Variants in ACOX3 observed in about 807,000 individuals in gnomAD.
ACOX3 encodes acyl-CoA oxidase 3, pristanoyl, also known as peroxisomal acyl-coenzyme A oxidase 3.
A neutral mutation model predicts 81.5 loss-of-function variants in ACOX3; 73 were observed. That is an observed-to-expected ratio of 0.90 (90% CI 0.74 to 1.09). ACOX3 has a LOEUF of 1.09. Among genes scored for constraint, ACOX3 ranks in the 50% least tolerant of loss-of-function variants. The pLI is 0.00. For synonymous variants in ACOX3, 387 were observed against 375.1 expected (o/e 1.03, Z -0.37); for missense variants, 947 against 928.0 (o/e 1.02, Z -0.27).
At chr4:8,375,905 C>T (rs1281401404) in intron 14 of ACOX3, among the ~76,000 whole-genome samples, 2 of 152,196 alleles carry the variant, frequency 1.3e-5, no homozygotes, top group African/African-American at 4.8e-5. Context: ...TTTCTTTATC[C>T]AGTCCACCGC....
At position 8,405,998 on chromosome 4, in the gene ACOX3, C is replaced by T. The variant is rs1272652274; in HGVS notation, c.733G>A (p.Gly245Ser). ...TLLPMPGVMV[G>S]DIGKKLGQNG... ...TGCCCGAGTTTTTTTCCTATGTCGC[C>T]AACCATCACTCCAGGCATGGGAAGA... Residue 245 changes from glycine to serine, a missense_variant, in exon 7 of 18, where the codon GGC becomes AGC. By Grantham distance (56) the Gly-to-Ser change is moderately conservative (BLOSUM62 0). Transcript: ENST00000356406. This position sits in a 1 kb window ranked among gnomAD's most constrained non-coding sequence, Gnocchi z 7.1. 6.2e-7 allele frequency: 1 copy of T among 1,614,056 alleles called. No homozygotes were observed. The highest frequency in any genetic ancestry group is 8.5e-7 in the Non-Finnish European group (1 of 1,180,050).
rs1229159065 is a variant in ACOX3 at position 8,416,223 on chromosome 4, G to C, written c.144+155C>G. On this transcript the variant is annotated intron_variant, in intron 2 of 17. Transcript: ENST00000356406. The surrounding 1 kb of genome is among the most constrained non-coding windows in gnomAD (Gnocchi z 4.2). ...CCAGACTCCTCATCAATTCCCTGAG[G>C]CCTGTCCTGGGGTGCAGAGAGGAGA... Among the ~76,000 whole-genome samples, 2 of 152,176 alleles carry C rather than the reference G, an allele frequency of 1.3e-5. No individual in the cohort carries two copies. The highest frequency in any genetic ancestry group is 4.8e-5 in the African/African-American group (2 of 41,442).
rs767100475 is a variant in ACOX3 at position 8,399,507 on chromosome 4, G to A, written c.873+49C>T. On this transcript the variant is annotated intron_variant, in intron 8 of 17. Transcript: ENST00000356406. The surrounding 1 kb of genome is among the most constrained non-coding windows in gnomAD (Gnocchi z 4.9). ...GGAGCACAGAGCCAGGCCCTGCAGA[G>A]GAAGGCACCTGGGAAGCACGGCACA... is the stretch of plus-strand genomic sequence containing the variant. 4.0e-6 allele frequency: 6 copies of A among 1,506,740 alleles called. No individual in the cohort carries two copies. The highest frequency in any genetic ancestry group is 5.5e-6 in the Non-Finnish European group (6 of 1,084,528). The allele number at this position is 1,506,740 out of a possible 1,614,324, so 93.3% of individuals were successfully genotyped here. A position where few individuals can be genotyped will look rare whatever the true frequency, so the allele number is the denominator to read the frequency against.
intron 1 of ACOX3, among the ~76,000 whole-genome samples, chr4:8,427,412 C>T (rs1015199174): frequency 6.6e-6 from 1 of 152,248 alleles, no homozygotes; most frequent in African/African-American, 2.4e-5. Context: ...TCCACCACTG[C>T]TGATGGCTGC....
At chr4:8,439,827 T>A (rs566815906) in intron 1 of ACOX3, among the ~76,000 whole-genome samples, 76 of 152,222 alleles carry the variant, frequency 5.0e-4, no homozygotes, top group African/African-American at 1.8e-3. Context: ...TTTGTGAAAA[T>A]TCTCAAAGGA....
intron 1 of ACOX3, among the ~76,000 whole-genome samples, chr4:8,421,215 T>C (rs1722904562): frequency 6.6e-6 from 1 of 152,190 alleles, no homozygotes; most frequent in Non-Finnish European, 1.5e-5. Context: ...TTCCTTAGAA[T>C]TGGAGGAAAA....
In ACOX3 at chr4:8,432,303, G is replaced by C. The variant is rs1166051468; in HGVS notation, c.-15+8345C>G. Among the ~76,000 whole-genome samples the C allele has an allele frequency of 1.3e-5, 2 of 151,842 alleles. No homozygotes were observed. The highest frequency in any genetic ancestry group is 2.9e-5 in the Non-Finnish European group (2 of 67,994). On this transcript the variant is annotated intron_variant, in intron 1 of 17. Coordinates refer to ENST00000356406, the MANE Select transcript of ACOX3 (RefSeq NM_003501.3). The surrounding 1 kb of genome is among the most constrained non-coding windows in gnomAD (Gnocchi z 6.2). ...GACTGGAGTGCAGTGGTGCCATCTC[G>C]GCTCACTGCAAGCTCTGCCTCCCGG...
At chr4:8,356,709 C>A in the ACOX3 span, 6 of 454,870 alleles carry the variant, frequency 1.3e-5, no homozygotes, top group South Asian at 7.8e-5. Flanking sequence ...GAACTGTGCA[C>A]GCTAACATGA....
rs1722114272 is a variant in ACOX3 at position 8,414,503 on chromosome 4, T to C, written c.454-122A>G. ...CACATATCAAAGCCCCAAATTTCCA[T>C]CTACCCAACTAGTGACTTGACTGAG... On this transcript the variant is annotated intron_variant, in intron 4 of 17. Coordinates refer to ENST00000356406, the MANE Select transcript of ACOX3 (RefSeq NM_003501.3). This position sits in a 1 kb window ranked among gnomAD's most constrained non-coding sequence, Gnocchi z 6.1. 1.2e-5 allele frequency: 11 copies of C among 903,344 alleles called. 1 individual carries two copies. In the South Asian group the frequency reaches 1.4e-4, roughly 11 times the overall value. 56.0% of individuals were successfully genotyped at this position (903,344 alleles called of 1,614,324 possible).
rs557389295 is a variant in ACOX3, at chr4:8,381,828, C to G, written c.1538-221G>C. 1.4e-4 allele frequency among the ~76,000 whole-genome samples: 22 copies of G among 151,928 alleles called. No individual in the cohort carries two copies. In the South Asian group the frequency reaches 4.4e-3, roughly 30 times the overall value. On this transcript the variant is annotated intron_variant, in intron 13 of 17. Transcript: ENST00000356406. This position sits in a 1 kb window ranked among gnomAD's most constrained non-coding sequence, Gnocchi z 4.3. The stretch of plus-strand genomic sequence containing the variant: ...CCCTGGCTGGAGGCACTTCCTGGCT[C>G]AGCCCAGGGCTGTCCTGAGTTCTAC...
In ACOX3 at chr4:8,405,296, A is replaced by C. The variant is rs1284813705; in HGVS notation, c.776+659T>G. 6.6e-6 allele frequency among the ~76,000 whole-genome samples: 1 copy of C among 152,090 alleles called. No individual in the cohort carries two copies. Among genetic ancestry groups the C allele is most frequent in the Non-Finnish European group, 1.5e-5 (1 of 68,008 alleles). On this transcript the variant is annotated intron_variant, in intron 7 of 17. Transcript: ENST00000356406. This position sits in a 1 kb window ranked among gnomAD's most constrained non-coding sequence, Gnocchi z 7.1. ...CTCCACCTGAAACGCTGCACATTCC[A>C]AAATCACTGGCCACTTCTCCCCGGC... is the stretch of plus-strand genomic sequence containing the variant.
At chr4:8,401,210 C>T (rs374373323) in intron 7 of ACOX3, among the ~76,000 whole-genome samples, 1 of 152,086 alleles carries the variant, frequency 6.6e-6, no homozygotes, top group Non-Finnish European at 1.5e-5. Context: ...GCTGGCTCAC[C>T]CGATGCTCAC....
chr4:8,419,041 G>A lies in ACOX3; in HGVS notation c.-14-2506C>T, dbSNP rs2108997097. ...ATGCCGGCTATAGTGGCACGTGCCT[G>A]TGGTCCCAGCTACTCTGGGGAGGCT... is the stretch of plus-strand genomic sequence containing the variant. On this transcript the variant is annotated intron_variant, in intron 1 of 17. Coordinates refer to ENST00000356406, the MANE Select transcript of ACOX3 (RefSeq NM_003501.3). This position sits in a 1 kb window ranked among gnomAD's most constrained non-coding sequence, Gnocchi z 4.2. 6.6e-6 allele frequency among the ~76,000 whole-genome samples: 1 copy of A among 152,074 alleles called. No individual in the cohort carries two copies. Among genetic ancestry groups the A allele is most frequent in the East Asian group, 1.9e-4 (1 of 5,150 alleles).
downstream of ACOX3, among the ~76,000 whole-genome samples, chr4:8,365,738 G>A (rs115724155): frequency 6.2e-3 from 898 of 144,824 alleles, 8 homozygotes; most frequent in African/African-American, 0.023. Flanking sequence ...AGCCCCAGAC[G>A]GGTGGGATGT....
rs190519555 is a variant in ACOX3, at chr4:8,392,591, C to T, written c.1180-138G>A. On this transcript the variant is annotated intron_variant, in intron 10 of 17. Coordinates refer to ENST00000356406, the MANE Select transcript of ACOX3 (RefSeq NM_003501.3). Reference sequence around the variant, plus strand: ...ATCCCGAAAATGACAGAAGAGGAAACCTAATTGTAATTAGAAATAAAAAAG... The same window carrying T: ...ATCCCGAAAATGACAGAAGAGGAAATCTAATTGTAATTAGAAATAAAAAAG... 3.6e-5 allele frequency: 36 copies of T among 1,002,348 alleles called. No individual in the cohort carries two copies. In the Admixed American group the frequency reaches 8.1e-4, roughly 23 times the overall value. 62.1% of individuals were successfully genotyped at this position (1,002,348 alleles called of 1,614,324 possible). A position where few individuals can be genotyped will look rare whatever the true frequency, so the allele number is the denominator to read the frequency against.
Position 8,396,938 on chromosome 4 carries a change from T to C in ACOX3, c.1055A>G (p.Gln352Arg). Residue 352 changes from glutamine (Q) to arginine (R), a missense_variant and splice_region_variant, in exon 9 of 18, where the codon CAG becomes CGG. By Grantham distance (43) the Gln-to-Arg change is conservative. Transcript: ENST00000356406. ...AAAGGATGCTTGAAAACCTCATACC[T>C]GCATTGGATACTCAAGCACTGGTAT... Reference protein sequence around the residue: ...EEIPVLEYPMQQWRLLPYLAA... With the variant: ...EEIPVLEYPMRQWRLLPYLAA... 1 of 1,609,902 alleles carries C rather than the reference T, an allele frequency of 6.2e-7. No homozygotes were observed. Among genetic ancestry groups the C allele is most frequent in the African/African-American group, 1.3e-5 (1 of 74,836 alleles).
Position 8,385,652 on chromosome 4 carries a change from C to G in ACOX3, c.1537+3521G>C, listed in dbSNP as rs1432247902. Among the ~76,000 whole-genome samples, 1 of 152,260 alleles carries G rather than the reference C, an allele frequency of 6.6e-6. No individual in the cohort carries two copies. Among genetic ancestry groups the G allele is most frequent in the African/African-American group, 2.4e-5 (1 of 41,472 alleles). ...AAAACCCAGCCTCCCCTACCCAAGT[C>G]AGAATCGAACCCCTGAAGGACCCGC... On this transcript the variant is annotated intron_variant, in intron 13 of 17. Transcript: ENST00000356406. This position sits in a 1 kb window ranked among gnomAD's most constrained non-coding sequence, Gnocchi z 5.5.
intron 14 of ACOX3, 150 bp from the exon 15 acceptor site, chr4:8,375,302 C>G (rs1437891899): frequency 1.3e-6 from 1 of 756,302 alleles, no homozygotes; most frequent in East Asian, 2.8e-5. Context: ...AGCACAGATG[C>G]GGCGCAGCAC....
rs576436939 is a variant in ACOX3, at chr4:8,386,131, G to A, written c.1537+3042C>T. On this transcript the variant is annotated intron_variant, in intron 13 of 17. Transcript: ENST00000356406. The surrounding 1 kb of genome is among the most constrained non-coding windows in gnomAD (Gnocchi z 5.2). ...GAGCAGAGCGTGATGGGCACATGGA[G>A]AAGCTGGCTGTCCCATTTATGTTTT... Among the ~76,000 whole-genome samples, 1 of 152,304 alleles carries A rather than the reference G, an allele frequency of 6.6e-6. No homozygotes were observed. Among genetic ancestry groups the A allele is most frequent in the African/African-American group, 2.4e-5 (1 of 41,560 alleles).
Sources: gnomAD v4.1 joint callset for allele counts (sites outside exome capture counted in the v4.1 genomes callset) on GRCh38, gnomAD v4.1.1 for gene constraint, Gnocchi (gnomAD v3.1) non-coding constraint, MANE v1.5 for transcripts, NCBI Gene and HGNC (gene_info 2026-07-23, HGNC 2026-07-21) for gene names.